DMD: variants seen among roughly 807,000 people sequenced by gnomAD.
DMD encodes the protein dystrophin.
A neutral mutation model predicts 330.1 loss-of-function variants in DMD; 63 were observed. The observed-to-expected ratio is 0.19, with a 90% confidence interval of 0.16 to 0.24. The LOEUF (loss-of-function observed/expected upper bound fraction) is 0.24, where lower values mean the gene tolerates loss of function less well. Among genes scored for constraint, DMD ranks in the 10% least tolerant of loss-of-function variants. The probability of loss-of-function intolerance (pLI) is 1.00; values close to 1 mark genes in which losing one functional copy is unlikely to be tolerated. For missense variants in DMD, 3,344 were observed against 2,684.1 expected (o/e 1.25, Z -5.43); for synonymous variants, 1,223 against 959.8 (o/e 1.27, Z -5.07).
intron 1 of DMD, among the ~76,000 whole-genome samples, chrX:33,246,387 C>T (rs1030389902): frequency 9.0e-6 from 1 of 111,193 alleles, no homozygotes; most frequent in Non-Finnish European, 1.9e-5. Flanking sequence ...CCAGTGATAT[C>T]GTTGCCTTCC....
At chrX:32,458,851 T>A (rs2148385411) in intron 25 of DMD, among the ~76,000 whole-genome samples, 1 of 111,705 alleles carries the variant, frequency 9.0e-6, no homozygotes, top group African/African-American at 3.2e-5. Flanking sequence ...TTTTCAGTTT[T>A]ATTTTTGCTA....
chrX:33,313,714 G>T (rs190651472), intron 1 of DMD, among the ~76,000 whole-genome samples: 1 of 111,045 alleles, frequency 9.0e-6, no homozygotes, highest in East Asian at 2.8e-4. Flanking sequence ...CATAAATGCA[G>T]TGAATACAAA....
intron 62 of DMD, among the ~76,000 whole-genome samples, chrX:31,314,110 C>T (rs1399509051): frequency 8.9e-6 from 1 of 112,188 alleles, no homozygotes; most frequent in African/African-American, 3.2e-5. Context: ...GCTGGGATTA[C>T]AGGCATGAGC....
intron 1 of DMD, among the ~76,000 whole-genome samples, chrX:33,064,424 A>G (rs766971037): frequency 7.1e-5 from 8 of 111,916 alleles, no homozygotes; most frequent in Non-Finnish European, 1.3e-4. Context: ...TTCATCCAAG[A>G]AAACTATTTA....
rs73621880 is a variant in DMD, at chrX:33,150,877, T to C, written c.31+60405A>G. 5.5e-3 allele frequency among the ~76,000 whole-genome samples: 613 copies of C among 111,511 alleles called. 1 individual carries two copies. Among genetic ancestry groups the C allele is most frequent in the African/African-American group, 0.019 (592 of 30,705 alleles). ...TAACCTACCAAATTACTGTCCTGAT[T>C]GTGGGAAATCAGAGGGCTTTTACCC... On this transcript the variant is annotated intron_variant, in intron 1 of 78. Coordinates refer to ENST00000357033, the MANE Select transcript of DMD (RefSeq NM_004006.3).
intron 2 of DMD, among the ~76,000 whole-genome samples, chrX:33,001,528 A>G (rs1306348517): frequency 1.8e-5 from 2 of 109,566 alleles, no homozygotes; most frequent in African/African-American, 6.8e-5. Flanking sequence ...TTATTCAAGG[A>G]CTTTAGACAT....
At chrX:31,864,509 T>TTTA (rs1290470133) in intron 48 of DMD, among the ~76,000 whole-genome samples, 1 of 98,713 alleles carries the variant, frequency 1.0e-5, no homozygotes, top group African/African-American at 3.7e-5. Flanking sequence ...TTTTTTTTTT[T>TTTA]AAAGAAGTCT....
At chrX:31,728,540 T>A (rs756493143) in intron 52 of DMD, among the ~76,000 whole-genome samples, 69 of 112,207 alleles carry the variant, frequency 6.1e-4, no homozygotes, top group African/African-American at 2.2e-3. Flanking sequence ...AATAATATTT[T>A]AAAATATTAA....
intron 59 of DMD, among the ~76,000 whole-genome samples, chrX:31,447,804 C>T (rs185476442): frequency 3.0e-4 from 33 of 108,766 alleles, no homozygotes; most frequent in Non-Finnish European, 4.8e-4. Context: ...GTCAGCAGTT[C>T]GAGACCAGAC....
At chrX:33,213,636 T>G (rs186861219), upstream of DMD, among the ~76,000 whole-genome samples, 1,771 of 111,783 alleles carry the variant, frequency 0.016, 110 homozygotes, top group Admixed American at 0.16. Flanking sequence ...TTTTTAAAAA[T>G]TTATTTTAAC....
intron 53 of DMD, among the ~76,000 whole-genome samples, chrX:31,672,175 T>C (rs1048262263): frequency 8.9e-6 from 1 of 112,371 alleles, no homozygotes; most frequent in African/African-American, 3.2e-5. Context: ...TTTAAGAGTG[T>C]GTTGTATAAT....
chrX:31,805,308 G>T (rs921359282), intron 50 of DMD, among the ~76,000 whole-genome samples: 1 of 111,640 alleles, frequency 9.0e-6, no homozygotes, highest in Non-Finnish European at 1.9e-5. Flanking sequence ...AATCTATGAC[G>T]CTGCTTTGGG....
At chrX:32,905,143 C>T (rs1370708371) in intron 2 of DMD, among the ~76,000 whole-genome samples, 1 of 111,507 alleles carries the variant, frequency 9.0e-6, no homozygotes, top group African/African-American at 3.3e-5. Flanking sequence ...GACAGAAATA[C>T]AAGTTTTGTT....
chrX:32,011,100 C>T (rs1373336880), intron 44 of DMD, among the ~76,000 whole-genome samples: 1 of 112,350 alleles, frequency 8.9e-6, no homozygotes, highest in Non-Finnish European at 1.9e-5. Context: ...AGTCGTAATG[C>T]TGCTGGCAAT....
intron 55 of DMD, among the ~76,000 whole-genome samples, chrX:31,553,741 T>C (rs1366086793): frequency 1.8e-5 from 2 of 112,561 alleles, no homozygotes; most frequent in African/African-American, 6.5e-5. Context: ...TAAATCTACT[T>C]AGAAATCATA....
chrX:32,855,930 C>A (rs185566907), intron 2 of DMD, among the ~76,000 whole-genome samples: 130 of 111,118 alleles, frequency 1.2e-3, no homozygotes, highest in Non-Finnish European at 3.2e-4. Context: ...CAAGGAATAA[C>A]CAAAATCTAT....
chrX:31,329,890 G>C (rs917036964), intron 61 of DMD, among the ~76,000 whole-genome samples: 5 of 96,462 alleles, frequency 5.2e-5, no homozygotes, highest in African/African-American at 2.0e-4. Flanking sequence ...AGAATCGCTT[G>C]AACCTGGGAG....
chrX:32,182,197 C>A (rs989908757), intron 44 of DMD, among the ~76,000 whole-genome samples: 1 of 111,512 alleles, frequency 9.0e-6, no homozygotes, highest in Non-Finnish European at 1.9e-5. Context: ...AGCTGAAATG[C>A]GAATAATTCT....
chrX:33,324,648 A>T (rs2054064387), intron 1 of DMD, among the ~76,000 whole-genome samples: 1 of 111,330 alleles, frequency 9.0e-6, no homozygotes, highest in South Asian at 3.8e-4. Flanking sequence ...TTAAGCAGTG[A>T]CATGGGTAAT....
Sources: allele counts gnomAD v4.1 joint callset (sites outside exome capture counted in the v4.1 genomes callset), GRCh38; gene constraint gnomAD v4.1.1; transcripts MANE v1.5; gene names NCBI Gene and HGNC (gene_info 2026-07-23, HGNC 2026-07-21).